Variants in COG4 observed in about 807,000 individuals in gnomAD.
COG4 encodes component of oligomeric golgi complex 4.
A neutral mutation model predicts 95.1 loss-of-function variants in COG4; 65 were observed. That is an observed-to-expected ratio of 0.68 (90% CI 0.56 to 0.84). The LOEUF (loss-of-function observed/expected upper bound fraction) is 0.84, where lower values mean the gene tolerates loss of function less well. Ranked by LOEUF, COG4 falls within the 40% of genes least tolerant of loss-of-function variation. COG4 has a pLI of 0.00. For missense variants in COG4, 1,045 were observed against 989.1 expected, an observed-to-expected ratio of 1.06 and a Z score of -0.76; for synonymous variants, 421 against 374.8, an observed-to-expected ratio of 1.12 and a Z score of -1.42.
At chr16:70,510,049 T>A in intron 5 of COG4, 28 bp from the exon 6 acceptor site, 3 of 1,581,856 alleles carry the variant, frequency 1.9e-6, no homozygotes, top group Non-Finnish European at 2.6e-6. Flanking sequence ...CCACACACAT[T>A]CCTCAGAAAG....
intron 8 of COG4, among the ~76,000 whole-genome samples, chr16:70,503,921 A>G (rs2049506457): frequency 6.6e-6 from 1 of 152,128 alleles, no homozygotes; most frequent in East Asian, 1.9e-4. Context: ...AAGGTCTCAG[A>G]TCTAAGGTCA....
At chr16:70,508,131 G>C (rs559038940) in intron 8 of COG4, among the ~76,000 whole-genome samples, 16 of 152,114 alleles carry the variant, frequency 1.1e-4, no homozygotes, top group South Asian at 8.3e-4. Flanking sequence ...ATATTGGCCA[G>C]GCTGGTCTCG....
Position 70,481,086 on chromosome 16 carries a change from G to A in COG4, c.2294C>T (p.Thr765Ile). The change falls in exon 19 of 19, where the codon ACC becomes ATC. Residue 765 changes from threonine (T) to isoleucine (I), a missense_variant. Coordinates refer to ENST00000323786, the MANE Select transcript of COG4 (RefSeq NM_015386.3). ...CAGCACCTGGCGCACTTCAGCAGGG[G>A]TGAGGCGCCACGTCAATGGGCCGGA... is the stretch of plus-strand genomic sequence containing the variant. ...PNSGPLTWRLTPAEVRQVLAL... is the reference protein window; with the variant it reads ...PNSGPLTWRLIPAEVRQVLAL... 1 of 1,613,490 alleles carries A rather than the reference G, an allele frequency of 6.2e-7. No individual in the cohort carries two copies. The highest frequency in any genetic ancestry group is 8.5e-7 in the Non-Finnish European group (1 of 1,180,026).
At chr16:70,489,543 G>GTT (rs371131071) in intron 13 of COG4, among the ~76,000 whole-genome samples, 36 of 137,942 alleles carry the variant, frequency 2.6e-4, no homozygotes, top group Non-Finnish European at 2.7e-4. Flanking sequence ...AAAAAAAAAA[G>GTT]TTTTTTTTTT....
rs745672062 is a variant in COG4, at chr16:70,509,986, C to A, written c.774G>T (p.Val258=). The change falls in exon 6 of 19, where the codon GTG becomes GTT. Residue 258 remains valine (V), a synonymous_variant. Coordinates refer to ENST00000323786, the MANE Select transcript of COG4 (RefSeq NM_015386.3). ...ASKAEENLLM[V]LGTDMSDRRA... Reference sequence around the variant, plus strand: ...TCCGATCACTCATGTCTGTCCCCAGCACCATGAGCAGATTCTCCTCAGCTT... The same window carrying A: ...TCCGATCACTCATGTCTGTCCCCAGAACCATGAGCAGATTCTCCTCAGCTT... 1.9e-5 allele frequency: 30 copies of A among 1,613,932 alleles called. No homozygotes were observed. The highest frequency in any genetic ancestry group is 2.5e-5 in the Non-Finnish European group (30 of 1,179,970).
intron 9 of COG4, among the ~76,000 whole-genome samples, chr16:70,499,430 T>G (rs2049403727): frequency 6.6e-6 from 1 of 152,202 alleles, no homozygotes; most frequent in African/African-American, 2.4e-5. Context: ...ACTGATTCTG[T>G]AATGCCCCTG....
intron 13 of COG4, among the ~76,000 whole-genome samples, chr16:70,485,352 T>C (rs978311497): frequency 1.3e-5 from 2 of 150,734 alleles, no homozygotes; most frequent in East Asian, 3.9e-4. Flanking sequence ...TACAGGCGCC[T>C]GCCACCACAC....
chr16:70,509,021 T>C, intron 7 of COG4: 1 of 633,696 alleles, frequency 1.6e-6, no homozygotes, highest in Non-Finnish European at 2.8e-6. Flanking sequence ...ATTTCCGTTT[T>C]GGTCTTGAAC....
intron 13 of COG4, among the ~76,000 whole-genome samples, chr16:70,489,535 A>G (rs575676394): frequency 1.0e-3 from 155 of 151,868 alleles, no homozygotes; most frequent in Non-Finnish European, 1.8e-3. Flanking sequence ...GATTTAAAAA[A>G]AAAAAAAGTT....
At chr16:70,494,227 A>G (rs2049297540) in intron 12 of COG4, among the ~76,000 whole-genome samples, 1 of 152,224 alleles carries the variant, frequency 6.6e-6, no homozygotes, top group South Asian at 2.1e-4. Flanking sequence ...CAAGGCATTT[A>G]AGAGCACCAA....
chr16:70,505,247 G>C (rs1052057811), intron 8 of COG4, among the ~76,000 whole-genome samples: 9 of 147,874 alleles, frequency 6.1e-5, no homozygotes, highest in Admixed American at 2.7e-4. Context: ...ACCCAGGCTG[G>C]AGTGCAGTGG....
chr16:70,482,249 C>T, intron 15 of COG4, 74 bp from the exon 16 acceptor site: 1 of 936,364 alleles, frequency 1.1e-6, no homozygotes, highest in Non-Finnish European at 1.8e-6. Flanking sequence ...ACCTCTATCC[C>T]TCTAAGAAAA....
chr16:70,489,475 C>T (rs2049200271), intron 13 of COG4, among the ~76,000 whole-genome samples: 4 of 151,502 alleles, frequency 2.6e-5, no homozygotes, highest in Admixed American at 2.6e-4. Context: ...CCTCAGCCTC[C>T]CAAAGTGTTA....
chr16:70,482,620 G>C (rs762750539), intron 15 of COG4, 109 bp downstream of exon 15: 1 of 868,890 alleles, frequency 1.2e-6, no homozygotes, highest in Non-Finnish European at 1.9e-6. Flanking sequence ...GGGGAAGTGG[G>C]CCTGGGAAGC....
intron 8 of COG4, chr16:70,501,409 A>T (rs549987630): frequency 2.1e-4 from 70 of 327,478 alleles, no homozygotes; most frequent in African/African-American, 1.5e-3. Flanking sequence ...GCTGGAGTGC[A>T]GTGGCTCGAT....
At chr16:70,518,201 C>T (rs544153285) in intron 2 of COG4, among the ~76,000 whole-genome samples, 4 of 152,266 alleles carry the variant, frequency 2.6e-5, no homozygotes, top group South Asian at 4.1e-4. Context: ...GGATTATAGG[C>T]GTGAGCTACT....
chr16:70,514,532 C>A, intron 3 of COG4, 23 bp from the exon 4 acceptor site: 3 of 1,609,894 alleles, frequency 1.9e-6, no homozygotes, highest in Non-Finnish European at 2.5e-6. Context: ...TTGGTACTTA[C>A]AAACAATGTC....
At chr16:70,492,323 C>T (rs894890196) in intron 12 of COG4, among the ~76,000 whole-genome samples, 1 of 152,092 alleles carries the variant, frequency 6.6e-6, no homozygotes, top group Non-Finnish European at 1.5e-5. Flanking sequence ...TTTTTCATAA[C>T]ACGACTGTCT....
At chr16:70,505,484 G>T (rs1443300561) in intron 8 of COG4, among the ~76,000 whole-genome samples, 2 of 150,718 alleles carry the variant, frequency 1.3e-5, no homozygotes, top group African/African-American at 4.9e-5. Context: ...TTACAGGCGT[G>T]AGCCACCGCA....
Sources: allele counts gnomAD v4.1 joint callset (sites outside exome capture counted in the v4.1 genomes callset), GRCh38; gene constraint gnomAD v4.1.1; transcripts MANE v1.5; gene names NCBI Gene and HGNC (gene_info 2026-07-23, HGNC 2026-07-21).